Variants in DMRT1 observed in about 807,000 individuals in gnomAD.
The protein encoded by DMRT1 is doublesex and mab-3 related transcription factor 1, also known as doublesex- and mab-3-related transcription factor 1.
DMRT1 carries 7 observed loss-of-function variants against 32.3 expected under a neutral mutation model. The ratio of observed to expected loss-of-function variants is 0.22; its 90% CI spans 0.12 to 0.41. The LOEUF (loss-of-function observed/expected upper bound fraction) is 0.41, where lower values mean the gene tolerates loss of function less well. DMRT1 is among the 10% of genes least tolerant of loss of function. The pLI is 1.00. For synonymous variants in DMRT1, 278 were observed against 206.1 expected (o/e 1.35, Z -2.99); for missense variants, 625 against 500.5 (o/e 1.25, Z -2.37).
In DMRT1 at chr9:944,578, G is replaced by A. The variant is rs573298275; in HGVS notation, c.968-23407G>A. On this transcript the variant is annotated intron_variant, in intron 4 of 4. Coordinates refer to ENST00000382276, the MANE Select transcript of DMRT1 (RefSeq NM_021951.3). ...GATGGATATTTAATTCTGAAGAAACGGATCTTTAATGGTGGAATTTCAGAT... is the reference window on the plus strand; with the variant it reads ...GATGGATATTTAATTCTGAAGAAACAGATCTTTAATGGTGGAATTTCAGAT... 3.7e-4 allele frequency among the ~76,000 whole-genome samples: 56 copies of A among 152,218 alleles called. 1 individual carries two copies. In the South Asian group the frequency reaches 0.01, roughly 28 times the overall value.
At chr9:880,756 A>T (rs1451572967) in intron 2 of DMRT1, among the ~76,000 whole-genome samples, 1 of 140,910 alleles carries the variant, frequency 7.1e-6, no homozygotes, top group African/African-American at 2.7e-5. Context: ...AAAGAAAAGG[A>T]AAAAAAGTAT....
At chr9:899,877 C>A (rs1189358951) in intron 3 of DMRT1, among the ~76,000 whole-genome samples, 1 of 152,240 alleles carries the variant, frequency 6.6e-6, no homozygotes, top group African/African-American at 2.4e-5. Flanking sequence ...CTTGTGCCCC[C>A]AGATGTGTAG....
chr9:873,829 G>T (rs565234101), intron 2 of DMRT1, among the ~76,000 whole-genome samples: 2 of 152,174 alleles, frequency 1.3e-5, no homozygotes, highest in South Asian at 2.1e-4. Flanking sequence ...TGCAGGGAGA[G>T]AACAGACAAT....
chr9:881,746 C>T (rs537625624), intron 2 of DMRT1, among the ~76,000 whole-genome samples: 8 of 152,346 alleles, frequency 5.3e-5, no homozygotes, highest in Admixed American at 2.6e-4. Flanking sequence ...CTCTGTAAGA[C>T]GGCTTTTAGA....
At chr9:865,973 G>A (rs10815917) in intron 2 of DMRT1, among the ~76,000 whole-genome samples, 44,153 of 151,646 alleles carry the variant, frequency 0.29, 7,703 homozygotes, top group Non-Finnish European at 0.39. Context: ...AGACCAGCCT[G>A]GCCAACATGG....
chr9:917,981 A>G (rs968167454), intron 4 of DMRT1, among the ~76,000 whole-genome samples: 2 of 152,234 alleles, frequency 1.3e-5, no homozygotes, highest in African/African-American at 4.8e-5. Flanking sequence ...ACTCTGTTTT[A>G]TAAGTATTCA....
At chr9:861,720 C>A (rs192228576) in intron 2 of DMRT1, among the ~76,000 whole-genome samples, 2 of 148,376 alleles carry the variant, frequency 1.3e-5, no homozygotes, top group Non-Finnish European at 3.0e-5. Flanking sequence ...GGCGGCTGGC[C>A]GGGCAGGGGC....
At chr9:861,814 G>T (rs950676720) in intron 2 of DMRT1, among the ~76,000 whole-genome samples, 1 of 124,294 alleles carries the variant, frequency 8.0e-6, no homozygotes, top group Non-Finnish European at 1.7e-5. Flanking sequence ...GCGGGGGGGG[G>T]CTCCTTCAGA....
At chr9:871,680 T>C (rs926711577) in intron 2 of DMRT1, among the ~76,000 whole-genome samples, 1 of 149,466 alleles carries the variant, frequency 6.7e-6, no homozygotes, top group Admixed American at 6.6e-5. Flanking sequence ...TTCACCGTGT[T>C]AGCCAGGATG....
chr9:879,939 A>G lies in DMRT1; in HGVS notation c.539-13973A>G, dbSNP rs374963865. Among the ~76,000 whole-genome samples the G allele has an allele frequency of 2.6e-4, 39 of 152,322 alleles. 1 individual carries two copies. The East Asian group carries it at 6.6e-3, about 26-fold the overall frequency. On this transcript the variant is annotated intron_variant, in intron 2 of 4. Coordinates refer to ENST00000382276, the MANE Select transcript of DMRT1 (RefSeq NM_021951.3). ...ATCACATTCATTAATACTACTGCTG[A>G]TCTTGTTAGAATAATCTTCAAGTTT... is the stretch of plus-strand genomic sequence containing the variant.
At chr9:934,280 G>C (rs1586637212) in intron 4 of DMRT1, among the ~76,000 whole-genome samples, 1 of 86,570 alleles carries the variant, frequency 1.2e-5, no homozygotes, top group South Asian at 2.4e-4. Context: ...AGTGACCAGT[G>C]AGTGACCTTT....
chr9:966,906 T>C (rs191477531), intron 4 of DMRT1, among the ~76,000 whole-genome samples: 40 of 152,358 alleles, frequency 2.6e-4, no homozygotes, highest in African/African-American at 9.6e-4. Context: ...AATTACATCA[T>C]AGATTTCCCT....
chr9:860,578 C>T (rs1329277157), intron 2 of DMRT1, among the ~76,000 whole-genome samples: 1 of 152,140 alleles, frequency 6.6e-6, no homozygotes. Flanking sequence ...ATATCTCTCA[C>T]ATGGACCTTA....
At chr9:915,171 T>G (rs1818129556) in intron 3 of DMRT1, among the ~76,000 whole-genome samples, 2 of 152,232 alleles carry the variant, frequency 1.3e-5, no homozygotes, top group Admixed American at 6.5e-5. Context: ...ACCATCTAAA[T>G]TTAAGTTTTA....
At chr9:912,208 T>A (rs748358734) in intron 3 of DMRT1, among the ~76,000 whole-genome samples, 8 of 152,162 alleles carry the variant, frequency 5.3e-5, no homozygotes, top group Non-Finnish European at 1.2e-4. Context: ...TCCCTCCATA[T>A]CATGAGAACA....
intron 2 of DMRT1, among the ~76,000 whole-genome samples, chr9:884,735 C>G (rs189377504): frequency 6.6e-6 from 1 of 152,260 alleles, no homozygotes; most frequent in African/African-American, 2.4e-5. Flanking sequence ...CTTTGGGAGG[C>G]CGAGGCAGGC....
chr9:859,389 C>A (rs1295707725), intron 2 of DMRT1, among the ~76,000 whole-genome samples: 1 of 152,076 alleles, frequency 6.6e-6, no homozygotes, highest in East Asian at 1.9e-4. Context: ...TAGGAGTGCC[C>A]TTAGTTGTAC....
At chr9:859,080 G>T (rs1815538184) in intron 2 of DMRT1, among the ~76,000 whole-genome samples, 1 of 151,968 alleles carries the variant, frequency 6.6e-6, no homozygotes, top group South Asian at 2.1e-4. Context: ...TCTTATGCAA[G>T]CCCAGCTTTC....
intron 2 of DMRT1, among the ~76,000 whole-genome samples, chr9:860,026 G>A (rs1022866230): frequency 8.5e-5 from 13 of 152,208 alleles, no homozygotes; most frequent in African/African-American, 2.4e-4. Flanking sequence ...GTAGGGCACG[G>A]TGGCTCACGC....
Sources: gnomAD v4.1 joint callset for allele counts (sites outside exome capture counted in the v4.1 genomes callset) on GRCh38, gnomAD v4.1.1 for gene constraint, MANE v1.5 for transcripts, NCBI Gene and HGNC (gene_info 2026-07-23, HGNC 2026-07-21) for gene names.